Variants in SPATA6L observed in about 807,000 individuals in gnomAD.
SPATA6L encodes the protein spermatogenesis associated 6 like.
A neutral mutation model predicts 49.2 loss-of-function variants in SPATA6L; 68 were observed. The observed-to-expected ratio is 1.38, with a 90% CI of 1.14 to 1.69. The LOEUF (loss-of-function observed/expected upper bound fraction) is 1.69, where lower values mean the gene tolerates loss of function less well. Among genes scored for constraint, SPATA6L ranks in the 40% most tolerant of loss-of-function variants. The pLI, the probability that SPATA6L is intolerant of heterozygous loss-of-function variation, is 0.00. For missense variants in SPATA6L, 668 were observed against 464.3 expected, an observed-to-expected ratio of 1.44 and a Z score of -4.03; for synonymous variants, 198 against 165.7, an observed-to-expected ratio of 1.19 and a Z score of -1.50.
intron 3 of SPATA6L, among the ~76,000 whole-genome samples, chr9:4,651,569 T>C (rs1291475442): frequency 6.6e-6 from 1 of 152,234 alleles, no homozygotes; most frequent in East Asian, 1.9e-4. Context: ...ATATCTCTTA[T>C]GATTGTAAAT....
At chr9:4,608,054 T>G (rs1326430542) in intron 9 of SPATA6L, among the ~76,000 whole-genome samples, 5 of 146,808 alleles carry the variant, frequency 3.4e-5, no homozygotes, top group Non-Finnish European at 7.5e-5. Context: ...AAGAAGGCCA[T>G]TACATAATGG....
chr9:4,607,513 T>C (rs902476842), intron 9 of SPATA6L, among the ~76,000 whole-genome samples: 8 of 152,164 alleles, frequency 5.3e-5, no homozygotes, highest in Non-Finnish European at 1.0e-4. Context: ...GAAAAGAATT[T>C]TCAACCCAGA....
chr9:4,655,430 T>C (rs1271909848), intron 3 of SPATA6L, among the ~76,000 whole-genome samples: 1 of 152,210 alleles, frequency 6.6e-6, no homozygotes, highest in Admixed American at 6.5e-5. Context: ...AGGGCCGCTT[T>C]TTGTGGTGAT....
At chr9:4,626,404 T>G (rs780592736) in intron 5 of SPATA6L, 1 of 1,302,448 alleles carries the variant, frequency 7.7e-7, no homozygotes, top group South Asian at 1.2e-5. Flanking sequence ...GAGATCTGAG[T>G]TCCAGCTCAT....
At chr9:4,626,853 A>C in intron 5 of SPATA6L, 1 of 198,020 alleles carries the variant, frequency 5.0e-6, no homozygotes, top group Non-Finnish European at 1.1e-5. Context: ...GTTTATCATA[A>C]ATTAAGTAAA....
intron 2 of SPATA6L, among the ~76,000 whole-genome samples, chr9:4,657,527 G>A (rs1563721371): frequency 1.3e-5 from 2 of 150,976 alleles, no homozygotes; most frequent in South Asian, 4.2e-4. Flanking sequence ...TTTGAGCACA[G>A]AAACTGTTTT....
chr9:4,595,557 C>A (rs892457603), downstream of SPATA6L, among the ~76,000 whole-genome samples: 1 of 152,132 alleles, frequency 6.6e-6, no homozygotes, highest in Non-Finnish European at 1.5e-5. Context: ...TCAGAAGATA[C>A]CCCAAAGGAC....
At chr9:4,615,392 A>T (rs372418314) in intron 9 of SPATA6L, among the ~76,000 whole-genome samples, 36 of 152,270 alleles carry the variant, frequency 2.4e-4, no homozygotes, top group Non-Finnish European at 3.7e-4. Context: ...TTCCGTCTTA[A>T]CCACAGATTT....
At chr9:4,648,963 A>G (rs1385423237) in intron 3 of SPATA6L, among the ~76,000 whole-genome samples, 1 of 152,132 alleles carries the variant, frequency 6.6e-6, no homozygotes, top group Admixed American at 6.6e-5. Flanking sequence ...CGCTTAGAAT[A>G]ATAGTCTCCA....
intron 3 of SPATA6L, among the ~76,000 whole-genome samples, chr9:4,643,265 C>T (rs1448316309): frequency 6.6e-6 from 1 of 152,218 alleles, no homozygotes; most frequent in Non-Finnish European, 1.5e-5. Flanking sequence ...CTTGGCCTCC[C>T]CAAGTGCTGG....
At chr9:4,660,424 T>G (rs1009647118) in intron 2 of SPATA6L, among the ~76,000 whole-genome samples, 2 of 152,082 alleles carry the variant, frequency 1.3e-5, no homozygotes, top group Non-Finnish European at 2.9e-5. Context: ...AACAGACACA[T>G]GAAAAAATAC....
intron 3 of SPATA6L, among the ~76,000 whole-genome samples, chr9:4,641,616 C>T (rs1018364931): frequency 2.0e-5 from 3 of 152,118 alleles, no homozygotes; most frequent in African/African-American, 7.2e-5. Context: ...ACTACATTTT[C>T]GAGTAATGGT....
intron 3 of SPATA6L, among the ~76,000 whole-genome samples, chr9:4,644,959 T>C (rs917540274): frequency 2.6e-5 from 4 of 152,188 alleles, no homozygotes; most frequent in Admixed American, 1.3e-4. Flanking sequence ...TTTTAGGCTT[T>C]GTAGGCCATC....
chr9:4,663,206 T>G, intron 1 of SPATA6L: 3 of 1,614,140 alleles, frequency 1.9e-6, no homozygotes, highest in South Asian at 2.2e-5. Flanking sequence ...TCGTGGACTA[T>G]TGCTGGCTCT....
chr9:4,644,436 A>C (rs1387034912), intron 3 of SPATA6L, among the ~76,000 whole-genome samples: 1 of 151,966 alleles, frequency 6.6e-6, no homozygotes, highest in Non-Finnish European at 1.5e-5. Flanking sequence ...ACAGAAAAAA[A>C]ACTATGCTAT....
intron 2 of SPATA6L, among the ~76,000 whole-genome samples, chr9:4,656,629 A>G (rs1416488719): frequency 6.6e-6 from 1 of 152,258 alleles, no homozygotes; most frequent in Non-Finnish European, 1.5e-5. Context: ...AAGTGATTAT[A>G]GAATAAATGA....
chr9:4,630,466 C>T (rs1486120943), intron 4 of SPATA6L, among the ~76,000 whole-genome samples: 1 of 152,182 alleles, frequency 6.6e-6, no homozygotes, highest in Non-Finnish European at 1.5e-5. Flanking sequence ...GGCCCCTCTG[C>T]ATCACCTCTC....
At chr9:4,627,463 A>G (rs1237437072) in intron 5 of SPATA6L, 1 of 241,560 alleles carries the variant, frequency 4.1e-6, no homozygotes, top group African/African-American at 2.3e-5. Flanking sequence ...CATACAGCCC[A>G]CATTTTCAAG....
At chr9:4,597,570 G>A (rs1822385623), downstream of SPATA6L, among the ~76,000 whole-genome samples, 1 of 152,188 alleles carries the variant, frequency 6.6e-6, no homozygotes, top group Admixed American at 6.5e-5. Flanking sequence ...TTCCCTATGT[G>A]AAATTAAGCA....
Sources: allele counts gnomAD v4.1 joint callset (sites outside exome capture counted in the v4.1 genomes callset), GRCh38; gene constraint gnomAD v4.1.1; transcripts MANE v1.5; gene names NCBI Gene and HGNC (gene_info 2026-07-23, HGNC 2026-07-21).